Variants in TSG101 observed in about 807,000 individuals in gnomAD.
The protein encoded by TSG101 is tumor susceptibility gene 101 protein.
TSG101 carries 19 observed loss-of-function variants against 48.5 expected under a neutral mutation model. The ratio of observed to expected loss-of-function variants is 0.39; its 90% CI spans 0.27 to 0.58. The LOEUF (loss-of-function observed/expected upper bound fraction) is 0.58, where lower values mean the gene tolerates loss of function less well. TSG101 is among the 20% of genes least tolerant of loss of function. TSG101 has a pLI of 0.55. For synonymous variants in TSG101, 174 were observed against 169.4 expected, an observed-to-expected ratio of 1.03 and a Z score of -0.21; for missense variants, 365 against 484.4, an observed-to-expected ratio of 0.75 and a Z score of 2.31.
intron 4 of TSG101, among the ~76,000 whole-genome samples, chr11:18,510,827 C>T (rs549850574): frequency 1.3e-5 from 2 of 152,092 alleles, no homozygotes; most frequent in East Asian, 1.9e-4. Flanking sequence ...GAGGCTGCAG[C>T]GGGAGGATCA....
At chr11:18,512,387 A>G (rs1324484861) in intron 4 of TSG101, among the ~76,000 whole-genome samples, 3 of 152,256 alleles carry the variant, frequency 2.0e-5, no homozygotes, top group Non-Finnish European at 4.4e-5. Flanking sequence ...TCTATTTTTC[A>G]GTTCTAAGAT....
intron 1 of TSG101, chr11:18,525,681 G>A: frequency 2.5e-5 from 25 of 984,674 alleles, no homozygotes; most frequent in Non-Finnish European, 3.0e-5. Flanking sequence ...ATCTTCTATG[G>A]CTTCCCATAT....
chr11:18,488,756 A>G (rs901616329), intron 7 of TSG101, among the ~76,000 whole-genome samples: 7 of 152,132 alleles, frequency 4.6e-5, no homozygotes. Flanking sequence ...AGAATTCAAA[A>G]AGCAAAAAAA....
At position 18,519,560 on chromosome 11, in the gene TSG101, A is replaced by G. The variant is rs1356659342; in HGVS notation, c.86T>C (p.Ile29Thr). ...DLTVRETVNV[I>T]TLYKDLKPVL... ...AGGTTTGAGATCTTTGTATAGAGTAATAACATTGACAGTTTCACGTACAGT... is the reference window on the plus strand; with the variant it reads ...AGGTTTGAGATCTTTGTATAGAGTAGTAACATTGACAGTTTCACGTACAGT... The change falls in exon 2 of 10, where the codon ATT becomes ACT. Residue 29 changes from isoleucine to threonine, a missense_variant. Ile to Thr is a moderately conservative substitution (Grantham distance 89, BLOSUM62 -1). Transcript: ENST00000251968. 2 of 1,613,064 alleles carry G rather than the reference A, an allele frequency of 1.2e-6. No individual in the cohort carries two copies. The highest frequency in any genetic ancestry group is 1.1e-5 in the South Asian group (1 of 90,914).
chr11:18,526,006 T>C (rs771699792), intron 1 of TSG101, among the ~76,000 whole-genome samples: 19 of 152,226 alleles, frequency 1.2e-4, no homozygotes, highest in Admixed American at 1.0e-3. Context: ...TCATTTTACA[T>C]AGTTTTGGAA....
intron 5 of TSG101, 36 bp downstream of exon 5, chr11:18,509,506 A>G (rs776142421): frequency 6.3e-7 from 1 of 1,599,092 alleles, no homozygotes; most frequent in African/African-American, 1.4e-5. Flanking sequence ...TCTTTTGTTT[A>G]TATGAGTTTT....
At chr11:18,516,456 T>A (rs558733441) in intron 2 of TSG101, among the ~76,000 whole-genome samples, 1 of 151,864 alleles carries the variant, frequency 6.6e-6, no homozygotes, top group Non-Finnish European at 1.5e-5. Flanking sequence ...GCGATTCTCC[T>A]GCCTCAGCAT....
intron 2 of TSG101, among the ~76,000 whole-genome samples, chr11:18,519,100 C>T (rs546183285): frequency 6.6e-6 from 1 of 152,138 alleles, no homozygotes; most frequent in South Asian, 2.1e-4. Flanking sequence ...TCCTGGACTG[C>T]CTCCTGGACT....
intron 1 of TSG101, among the ~76,000 whole-genome samples, chr11:18,520,568 C>G (rs1407110194): frequency 4.6e-5 from 7 of 152,172 alleles, no homozygotes; most frequent in Non-Finnish European, 1.0e-4. Flanking sequence ...AAATACTTAA[C>G]TGATGGGCAC....
intron 7 of TSG101, among the ~76,000 whole-genome samples, chr11:18,496,292 A>G (rs1168293839): frequency 6.6e-6 from 1 of 151,384 alleles, no homozygotes; most frequent in African/African-American, 2.4e-5. Flanking sequence ...AAAATACAAA[A>G]ATTAGTGGGT....
At chr11:18,499,186 T>G (rs1166763635) in intron 7 of TSG101, among the ~76,000 whole-genome samples, 1 of 132,708 alleles carries the variant, frequency 7.5e-6, no homozygotes. Context: ...GAGAAGAGGA[T>G]TCTTTTTTAA....
At chr11:18,516,260 C>T (rs1431111490) in intron 2 of TSG101, 96 bp from the exon 3 acceptor site, 3 of 1,066,120 alleles carry the variant, frequency 2.8e-6, no homozygotes, top group African/African-American at 1.6e-5. Flanking sequence ...CATCATTATC[C>T]TTGAAAGGGG....
intron 2 of TSG101, among the ~76,000 whole-genome samples, chr11:18,519,275 AT>A (rs1193848955): frequency 1.3e-5 from 2 of 152,158 alleles, no homozygotes; most frequent in Non-Finnish European, 2.9e-5. Context: ...AAGTGCTGGG[AT>A]TACAGAAATG....
At chr11:18,481,606 T>C in intron 9 of TSG101, 24 bp downstream of exon 9, 3 of 1,602,484 alleles carry the variant, frequency 1.9e-6, no homozygotes, top group Admixed American at 1.7e-5. Flanking sequence ...TTAAAAAATC[T>C]TGGAACGTAA....
intron 7 of TSG101, among the ~76,000 whole-genome samples, chr11:18,499,402 A>ATATATATATATATATATTTTTTTTT: frequency 3.7e-4 from 2 of 5,450 alleles, no homozygotes; most frequent in Non-Finnish European, 7.0e-4. Flanking sequence ...ATATATATAT[A>ATATATATATATATATATTTTTTTTT]TTTTTTTTTT....
chr11:18,505,976 C>T (rs531756086), intron 6 of TSG101, among the ~76,000 whole-genome samples: 2 of 152,164 alleles, frequency 1.3e-5, no homozygotes, highest in Admixed American at 1.3e-4. Flanking sequence ...TGCCACCATG[C>T]CTGGCTAATT....
At chr11:18,496,923 T>G (rs1227933160) in intron 7 of TSG101, among the ~76,000 whole-genome samples, 2 of 152,024 alleles carry the variant, frequency 1.3e-5, no homozygotes, top group Non-Finnish European at 2.9e-5. Context: ...AAACCCTGTC[T>G]CTACTAAAAA....
rs1850047555 is a variant in TSG101, at chr11:18,509,725, G to C, written c.358-60C>G. 2.7e-6 allele frequency: 4 copies of C among 1,493,916 alleles called. No individual in the cohort carries two copies. The East Asian group carries it at 9.3e-5, about 35-fold the overall frequency. 92.5% of individuals were successfully genotyped at this position (1,493,916 alleles called of 1,614,324 possible). On this transcript the variant is annotated intron_variant, in intron 4 of 9. Transcript: ENST00000251968. ...AGTTGCTTTTCAGTAAAAAGAAAAA[G>C]GTTAGCCATTTCTCATCGGTTTTCA...
chr11:18,524,250 T>C (rs1039067254), intron 1 of TSG101, among the ~76,000 whole-genome samples: 3 of 152,218 alleles, frequency 2.0e-5, no homozygotes, highest in Non-Finnish European at 4.4e-5. Flanking sequence ...TATCTGTTAA[T>C]TGCAAAAATA....
Sources: allele counts gnomAD v4.1 joint callset (sites outside exome capture counted in the v4.1 genomes callset), GRCh38; gene constraint gnomAD v4.1.1; transcripts MANE v1.5; gene names NCBI Gene and HGNC (gene_info 2026-07-23, HGNC 2026-07-21).